PCDHGA7: variants seen among roughly 807,000 people sequenced by gnomAD.
PCDHGA7 encodes the protein protocadherin gamma-A7.
PCDHGA7 carries 44 observed loss-of-function variants against 58.3 expected under a neutral mutation model. The ratio of observed to expected loss-of-function variants is 0.75; its 90% CI spans 0.59 to 0.97. PCDHGA7 has a LOEUF of 0.97. Among genes scored for constraint, PCDHGA7 ranks in the 50% least tolerant of loss-of-function variants. The pLI is 0.00. For missense variants in PCDHGA7, 1,266 were observed against 1,188.7 expected, an observed-to-expected ratio of 1.06 and a Z score of -0.96; for synonymous variants, 516 against 504.2, an observed-to-expected ratio of 1.02 and a Z score of -0.31.
chr5:141,425,844 G>C (rs985746948), intron 1 of PCDHGA7, among the ~76,000 whole-genome samples: 1 of 152,104 alleles, frequency 6.6e-6, no homozygotes, highest in Admixed American at 6.6e-5. Flanking sequence ...CTCTTTGCTG[G>C]GTTAATGACT....
At chr5:141,480,722 C>T (rs1002559431) in intron 1 of PCDHGA7, among the ~76,000 whole-genome samples, 1 of 152,174 alleles carries the variant, frequency 6.6e-6, no homozygotes, top group African/African-American at 2.4e-5. Flanking sequence ...AAAGCACAGT[C>T]TCTGGGGGTG....
In PCDHGA7 at chr5:141,485,867, G is replaced by T; in HGVS notation, c.2425-8940G>T. The T allele has an allele frequency of 6.2e-7, 1 of 1,614,164 alleles. No homozygotes were observed. Among genetic ancestry groups the T allele is most frequent in the Non-Finnish European group, 8.5e-7 (1 of 1,180,040 alleles). On this transcript the variant is annotated intron_variant, in intron 1 of 3. Transcript: ENST00000518325. The surrounding 1 kb of genome is among the most constrained non-coding windows in gnomAD (Gnocchi z 5.7). ...TGGCACCGCAGAGCTCCGGGTATCC[G>T]TGCTGGACGTAAACGACAACGCCCC...
intron 1 of PCDHGA7, chr5:141,414,951 G>A (rs1411406878): frequency 5.6e-6 from 9 of 1,614,092 alleles, no homozygotes; most frequent in Non-Finnish European, 7.6e-6. Flanking sequence ...GCTACCTGGT[G>A]ACCAAGGTGG....
intron 1 of PCDHGA7, among the ~76,000 whole-genome samples, chr5:141,467,109 A>G (rs1431550069): frequency 2.0e-5 from 3 of 150,594 alleles, no homozygotes; most frequent in African/African-American, 4.9e-5. Context: ...CTGGAGTACA[A>G]TGGTGCAATC....
intron 1 of PCDHGA7, chr5:141,419,490 C>G (rs2096390495): frequency 8.1e-6 from 13 of 1,612,414 alleles, no homozygotes; most frequent in Non-Finnish European, 1.1e-5. Context: ...GCGCTCAGCG[C>G]CAATGTGAGC....
At chr5:141,396,954 C>G (rs2093459266) in intron 1 of PCDHGA7, among the ~76,000 whole-genome samples, 1 of 152,172 alleles carries the variant, frequency 6.6e-6, no homozygotes. Flanking sequence ...GAAAGAAAAT[C>G]CTTACTCTCC....
At chr5:141,478,832 G>A in intron 1 of PCDHGA7, 1 of 1,435,464 alleles carries the variant, frequency 7.0e-7, no homozygotes, top group South Asian at 1.5e-5. Context: ...TCTTGCTAAG[G>A]GATGGTTAAG....
chr5:141,486,379 G>A lies in PCDHGA7; in HGVS notation c.2425-8428G>A. 2 of 1,614,094 alleles carry A rather than the reference G, an allele frequency of 1.2e-6. No individual in the cohort carries two copies. Among genetic ancestry groups the A allele is most frequent in the Non-Finnish European group, 1.7e-6 (2 of 1,180,000 alleles). ...CATTTGCCCTCAAGTCTGCCTTCAG[G>A]AACCAGTTCTCCCTGGTGACTGCTG... On this transcript the variant is annotated intron_variant, in intron 1 of 3. Transcript: ENST00000518325. The surrounding 1 kb of genome is among the most constrained non-coding windows in gnomAD (Gnocchi z 5.0).
Position 141,487,007 on chromosome 5 carries a change from G to C in PCDHGA7, c.2425-7800G>C, listed in dbSNP as rs563548715. On this transcript the variant is annotated intron_variant, in intron 1 of 3. Transcript: ENST00000518325. This position sits in a 1 kb window ranked among gnomAD's most constrained non-coding sequence, Gnocchi z 5.0. ...TGCTTGGGTTTCCTATCAGCTCCTG[G>C]AGGCCCCAGATCCCAGCCTGTTTGC... The C allele has an allele frequency of 6.2e-7, 1 of 1,614,206 alleles. No individual in the cohort carries two copies. Among genetic ancestry groups the C allele is most frequent in the Non-Finnish European group, 8.5e-7 (1 of 1,180,042 alleles).
chr5:141,420,187 C>T (rs1369031488), intron 1 of PCDHGA7: 7 of 1,613,824 alleles, frequency 4.3e-6, no homozygotes, highest in Non-Finnish European at 5.9e-6. Context: ...ATTGTCCAGC[C>T]ACACAAGATA....
rs1453835891 is a variant in PCDHGA7 at position 141,477,494 on chromosome 5, T to G, written c.2425-17313T>G. On this transcript the variant is annotated intron_variant, in intron 1 of 3. Coordinates refer to ENST00000518325, the MANE Select transcript of PCDHGA7 (RefSeq NM_018920.4). The surrounding 1 kb of genome is among the most constrained non-coding windows in gnomAD (Gnocchi z 4.9). ...TGACAACCCTCCACAATCTTCTCAA[T>G]CTTCCTACGACGTTTACATTGAAGA... 1 of 1,614,088 alleles carries G rather than the reference T, an allele frequency of 6.2e-7. No individual in the cohort carries two copies.
chr5:141,494,855 G>C lies in PCDHGA7; in HGVS notation c.2473G>C (p.Gly825Arg), dbSNP rs200418116. The C allele has an allele frequency of 6.2e-7, 1 of 1,614,092 alleles. No homozygotes were observed. Among genetic ancestry groups the C allele is most frequent in the South Asian group, 1.1e-5 (1 of 91,072 alleles). ...DWRFSQAQRP[G>R]TSGSQNGDDT... is the part of the protein sequence containing the mutation. ...GCGTTTCTCTCAGGCCCAGAGACCC[G>C]GCACCAGCGGGTAGGTGACTGATTC... The change falls in exon 2 of 4, where the codon GGC (glycine) becomes CGC (arginine). Residue 825 changes from glycine (G) to arginine (R), a missense_variant. Transcript: ENST00000518325.
Position 141,487,266 on chromosome 5 carries a change from T to A in PCDHGA7, c.2425-7541T>A. The stretch of plus-strand genomic sequence containing the variant: ...ACCCTCTACTTGGCTGTGTCCCTAG[T>A]GGCAATTTGCTTTGTCTCCTTTGGC... On this transcript the variant is annotated intron_variant, in intron 1 of 3. Transcript: ENST00000518325. This position sits in a 1 kb window ranked among gnomAD's most constrained non-coding sequence, Gnocchi z 5.0. The A allele has an allele frequency of 1.2e-6, 2 of 1,614,172 alleles. No homozygotes were observed. Among genetic ancestry groups the A allele is most frequent in the Non-Finnish European group, 8.5e-7 (1 of 1,180,036 alleles).
At chr5:141,416,928 A>G (rs1297487387) in intron 1 of PCDHGA7, 4 of 152,170 alleles carry the variant, frequency 2.6e-5, no homozygotes, top group Non-Finnish European at 2.9e-5. Flanking sequence ...ATAGTTATTA[A>G]CTATTAAACC....
At chr5:141,420,462 G>T in intron 1 of PCDHGA7, 2 of 892,618 alleles carry the variant, frequency 2.2e-6, no homozygotes. Context: ...ACTATTCAAA[G>T]ACATTTTAAA....
chr5:141,427,370 G>A (rs915167509), intron 1 of PCDHGA7: 17 of 457,836 alleles, frequency 3.7e-5, no homozygotes, highest in African/African-American at 2.4e-4. Flanking sequence ...AACCCTGGAC[G>A]GTGATCACTC....
At chr5:141,456,647 C>G (rs773458307) in intron 1 of PCDHGA7, among the ~76,000 whole-genome samples, 2 of 152,152 alleles carry the variant, frequency 1.3e-5, no homozygotes, top group African/African-American at 4.8e-5. Context: ...AGGTGTTAAT[C>G]CCAAAGAAGC....
intron 1 of PCDHGA7, chr5:141,388,978 C>G: frequency 6.2e-7 from 1 of 1,613,972 alleles, no homozygotes; most frequent in Non-Finnish European, 8.5e-7. Flanking sequence ...ACACATATTG[C>G]TTTGCTCAAA....
intron 1 of PCDHGA7, among the ~76,000 whole-genome samples, chr5:141,481,161 A>G (rs2099532805): frequency 6.6e-6 from 1 of 152,230 alleles, no homozygotes; most frequent in African/African-American, 2.4e-5. Flanking sequence ...GTATTTGCAG[A>G]ACCAGAATCC....
Sources: allele counts gnomAD v4.1 joint callset (sites outside exome capture counted in the v4.1 genomes callset), GRCh38; gene constraint gnomAD v4.1.1; non-coding constraint Gnocchi (gnomAD v3.1); transcripts MANE v1.5; gene names NCBI Gene and HGNC (gene_info 2026-07-23, HGNC 2026-07-21).